The following ANKRD30A variants were observed in gnomAD, a reference collection of about 807,000 sequenced individuals.
The protein encoded by ANKRD30A is ankyrin repeat domain-containing protein 30A.
Under a neutral mutation model 166.3 loss-of-function variants are expected in ANKRD30A, and 170 were observed. The observed-to-expected ratio is 1.02, with a 90% confidence interval of 0.90 to 1.16. The LOEUF (loss-of-function observed/expected upper bound fraction) is 1.16. Ranked by LOEUF, ANKRD30A falls within the 50% of genes most tolerant of loss-of-function variation. The probability of loss-of-function intolerance (pLI) is 0.00; values close to 1 mark genes in which losing one functional copy is unlikely to be tolerated. For synonymous variants in ANKRD30A, 564 were observed against 508.9 expected, an observed-to-expected ratio of 1.11 and a Z score of -1.46; for missense variants, 1,630 against 1,518.0, an observed-to-expected ratio of 1.07 and a Z score of -1.23.
the ANKRD30A span, among the ~76,000 whole-genome samples, chr10:37,244,819 G>A: frequency 6.6e-6 from 1 of 152,240 alleles, no homozygotes; most frequent in Admixed American, 6.5e-5. Flanking sequence ...CCATTCAGGG[G>A]TGCTCTCACT....
At chr10:37,133,127 C>T (rs1836477311) in intron 4 of ANKRD30A, among the ~76,000 whole-genome samples, 1 of 152,120 alleles carries the variant, frequency 6.6e-6, no homozygotes. Flanking sequence ...CTATTAATTG[C>T]TATCACCAGA....
At chr10:37,127,896 C>A (rs1025692973) in intron 1 of ANKRD30A, among the ~76,000 whole-genome samples, 2 of 152,048 alleles carry the variant, frequency 1.3e-5, no homozygotes, top group Admixed American at 6.5e-5. Context: ...GTGATCAATT[C>A]TATTATACTA....
rs528398900 is a variant in ANKRD30A at position 37,191,862 on chromosome 10, G to C, written c.2513-1202G>C. Among the ~76,000 whole-genome samples, 8 of 152,088 alleles carry C rather than the reference G, an allele frequency of 5.3e-5. No homozygotes were observed. In the South Asian group the frequency reaches 1.0e-3, roughly 20 times the overall value. On this transcript the variant is annotated intron_variant, in intron 25 of 35. Transcript: ENST00000361713. ...TACAAAAAATCAGCCGGGCGTGGTG[G>C]TGGGTGCCTGTAGTCCCAGCTACTC...
rs144539033 is a variant in ANKRD30A, at chr10:37,142,050, T to C, written c.1153T>C (p.Trp385Arg). Reference sequence around the variant, plus strand: ...AAAAGGAAGACCTAGGAAGATCGCATGGGAGAAAAAAGAAGACACACCTAG... The same window carrying C: ...AAAAGGAAGACCTAGGAAGATCGCACGGGAGAAAAAAGAAGACACACCTAG... ...PAKGRPRKIA[W>R]EKKEDTPREI... The change falls in exon 7 of 36, where the codon TGG becomes CGG. Residue 385 changes from tryptophan (W) to arginine (R), a missense_variant. By Grantham distance (101) the Trp-to-Arg change is moderately radical (BLOSUM62 -3). Transcript: ENST00000361713. 7.0e-5 allele frequency: 113 copies of C among 1,605,262 alleles called. 3 individuals are homozygous for C. The African/African-American group carries it at 1.3e-3, about 18-fold the overall frequency.
At chr10:37,246,703 G>T in the ANKRD30A span, among the ~76,000 whole-genome samples, 2 of 152,198 alleles carry the variant, frequency 1.3e-5, no homozygotes, top group Non-Finnish European at 2.9e-5. Flanking sequence ...TTTCAGAAAT[G>T]AGTGGAAGAT....
chr10:37,151,614 T>G (rs1175235201), intron 11 of ANKRD30A, among the ~76,000 whole-genome samples: 1 of 152,112 alleles, frequency 6.6e-6, no homozygotes, highest in East Asian at 1.9e-4. Context: ...TCCTAAAAAA[T>G]CTTATTCATT....
At chr10:37,214,332 A>G (rs1347361865) in intron 31 of ANKRD30A, among the ~76,000 whole-genome samples, 1 of 151,354 alleles carries the variant, frequency 6.6e-6, no homozygotes, top group Admixed American at 6.6e-5. Flanking sequence ...ACACAGGTAG[A>G]TCTTACTTTT....
Position 37,142,150 on chromosome 10 carries a change from C to A in ANKRD30A, c.1253C>A (p.Ala418Glu). 6.2e-7 allele frequency: 1 copy of A among 1,613,936 alleles called. No individual in the cohort carries two copies. ...WAAKGRPRKI[A>E]WEKKETPVKT... Reference sequence around the variant, plus strand: ...GCAAAAGGAAGACCTAGGAAGATCGCATGGGAGAAAAAAGAAACACCTGTA... The same window carrying A: ...GCAAAAGGAAGACCTAGGAAGATCGAATGGGAGAAAAAAGAAACACCTGTA... Residue 418 changes from alanine (A) to glutamate (E), a missense_variant, in exon 7 of 36, where the codon GCA becomes GAA. Ala to Glu is a moderately radical substitution (Grantham distance 107, BLOSUM62 -1). This residue lies in a region of ANKRD30A where 904 missense variants were observed against 818.5 expected (regional missense o/e 1.10). Transcript: ENST00000361713.
At chr10:37,159,448 G>A (rs970704987) in intron 15 of ANKRD30A, among the ~76,000 whole-genome samples, 1 of 152,038 alleles carries the variant, frequency 6.6e-6, no homozygotes, top group African/African-American at 2.4e-5. Context: ...AAACTAGGAG[G>A]CAAAAGTTGC....
chr10:37,153,907 A>G (rs1359093833), intron 13 of ANKRD30A, among the ~76,000 whole-genome samples: 1 of 152,206 alleles, frequency 6.6e-6, no homozygotes, highest in Non-Finnish European at 1.5e-5. Flanking sequence ...GGAAAATGAG[A>G]AAATAAGAAA....
At chr10:37,134,967 T>C (rs1262235314) in intron 5 of ANKRD30A, among the ~76,000 whole-genome samples, 1 of 152,214 alleles carries the variant, frequency 6.6e-6, no homozygotes, top group African/African-American at 2.4e-5. Context: ...CAGAAGGTCT[T>C]ATCTTATTCC....
chr10:37,190,018 T>C (rs914366153), intron 25 of ANKRD30A, among the ~76,000 whole-genome samples: 3 of 151,834 alleles, frequency 2.0e-5, no homozygotes, highest in African/African-American at 7.3e-5. Flanking sequence ...AGCAAAAATA[T>C]TCTGACTCTT....
At chr10:37,155,932 T>C (rs1396351560) in intron 13 of ANKRD30A, among the ~76,000 whole-genome samples, 1 of 152,036 alleles carries the variant, frequency 6.6e-6, no homozygotes, top group African/African-American at 2.4e-5. Context: ...ATACAAAAAA[T>C]TAGCCGGGCG....
intron 15 of ANKRD30A, among the ~76,000 whole-genome samples, chr10:37,162,153 A>T (rs1349691369): frequency 6.6e-6 from 1 of 152,136 alleles, no homozygotes; most frequent in Non-Finnish European, 1.5e-5. Context: ...GAAAAAAACA[A>T]ATATTCATAT....
In ANKRD30A at chr10:37,130,473, T is replaced by C. The variant is rs906479595; in HGVS notation, c.510+95T>C. The C allele has an allele frequency of 6.2e-6, 6 of 975,544 alleles. No homozygotes were observed. The African/African-American group carries it at 8.6e-5, about 14-fold the overall frequency. 60.4% of individuals were successfully genotyped at this position (975,544 alleles called of 1,614,324 possible). On this transcript the variant is annotated intron_variant, in intron 3 of 35. Coordinates refer to ENST00000361713, the MANE Select transcript of ANKRD30A (RefSeq NM_052997.3). Reference sequence around the variant, plus strand: ...TTTTTTATATTTGGAAGCTCAAACATTCCTTGAATGAAAATAGTTTGAAAG... The same window carrying C: ...TTTTTTATATTTGGAAGCTCAAACACTCCTTGAATGAAAATAGTTTGAAAG...
chr10:37,216,252 C>T lies in ANKRD30A; in HGVS notation c.2941C>T (p.His981Tyr), dbSNP rs766785249. The T allele has an allele frequency of 3.1e-6, 5 of 1,607,844 alleles. No homozygotes were observed. The African/African-American group carries it at 6.7e-5, about 22-fold the overall frequency. The change falls in exon 32 of 36, where the codon CAC (histidine) becomes TAC (tyrosine). Residue 981 changes from histidine to tyrosine, a missense_variant. By Grantham distance (83) the His-to-Tyr change is moderately conservative. Transcript: ENST00000361713. ...AAGAGCAAGGGAACTTCAAAAAGAT[C>T]ACTGTGAACAACGTACAGGAAAAAT... Reference protein sequence around the residue: ...CERARELQKDHCEQRTGKMEQ... With the variant: ...CERARELQKDYCEQRTGKMEQ...
chr10:37,248,348 G>C, the ANKRD30A span: 2 of 333,866 alleles, frequency 6.0e-6, no homozygotes, highest in African/African-American at 4.3e-5. Context: ...GAGAACACTT[G>C]AAAATCACTG....
intron 13 of ANKRD30A, among the ~76,000 whole-genome samples, chr10:37,154,503 T>G (rs1438995716): frequency 1.3e-5 from 2 of 152,024 alleles, no homozygotes; most frequent in Non-Finnish European, 2.9e-5. Context: ...GAGAGCAGTA[T>G]GGTGTTCTCA....
chr10:37,140,976 GTT>G (rs1178554325), intron 6 of ANKRD30A, among the ~76,000 whole-genome samples: 1 of 150,876 alleles, frequency 6.6e-6, no homozygotes, highest in East Asian at 2.0e-4. Context: ...CGTAAAAAAT[GTT>G]TTTTTATTCA....
Sources: gnomAD v4.1 joint callset for allele counts (sites outside exome capture counted in the v4.1 genomes callset) on GRCh38, gnomAD v4.1.1 for gene constraint, gnomAD v4.1.1 regional missense constraint, MANE v1.5 for transcripts, NCBI Gene and HGNC (gene_info 2026-07-23, HGNC 2026-07-21) for gene names.